Variants in BAZ2B observed in about 807,000 individuals in gnomAD.
BAZ2B encodes the protein bromodomain adjacent to zinc finger domain 2B.
BAZ2B carries 91 observed loss-of-function variants against 246.0 expected under a neutral mutation model. The observed-to-expected ratio is 0.37, with a 90% CI of 0.31 to 0.44. BAZ2B has a LOEUF of 0.44. Among genes scored for constraint, BAZ2B ranks in the 20% least tolerant of loss-of-function variants. BAZ2B has a pLI of 1.00. For synonymous variants in BAZ2B, 855 were observed against 860.0 expected (o/e 0.99, Z 0.10); for missense variants, 2,332 against 2,533.7 (o/e 0.92, Z 1.71).
At chr2:159,456,027 T>C (rs1278519748) in intron 3 of BAZ2B, among the ~76,000 whole-genome samples, 1 of 151,922 alleles carries the variant, frequency 6.6e-6, no homozygotes, top group Non-Finnish European at 1.5e-5. Flanking sequence ...TTTGGAGAAT[T>C]TGGGGTCATC....
At chr2:159,684,644 G>A in the BAZ2B span, among the ~76,000 whole-genome samples, 1 of 151,990 alleles carries the variant, frequency 6.6e-6, no homozygotes, top group Admixed American at 6.6e-5. Flanking sequence ...TGGGAAACAG[G>A]GATCAGACCA....
intron 2 of BAZ2B, among the ~76,000 whole-genome samples, chr2:159,545,315 T>C (rs1468201698): frequency 6.6e-6 from 1 of 152,184 alleles, no homozygotes; most frequent in African/African-American, 2.4e-5. Context: ...TACATCTCCT[T>C]GCTTAGTTCT....
In BAZ2B at chr2:159,325,841, C is replaced by T. The variant is rs745369584; in HGVS notation, c.6021G>A (p.Lys2007=). ...KKTNESKKGK[K]VTLTGDTEDE... ...CTTCAGTATCTCCTGTTAAAGTTAC[C>T]TTCTTGCCTTTCTTTGACTCATTAG... The change falls in exon 35 of 37, where the codon AAG becomes AAA. Residue 2007 remains lysine, a synonymous_variant. Coordinates refer to ENST00000392783, the MANE Select transcript of BAZ2B (RefSeq NM_013450.4). The T allele has an allele frequency of 3.2e-5, 51 of 1,607,724 alleles. No individual in the cohort carries two copies. Among genetic ancestry groups the T allele is most frequent in the Non-Finnish European group, 4.2e-5 (49 of 1,178,402 alleles).
At chr2:159,382,203 T>C in intron 25 of BAZ2B, among the ~76,000 whole-genome samples, 1 of 152,186 alleles carries the variant, frequency 6.6e-6, no homozygotes, top group East Asian at 1.9e-4. Context: ...GACAACACTT[T>C]TAAAGGCATG....
intron 13 of BAZ2B, among the ~76,000 whole-genome samples, chr2:159,420,253 GA>G (rs1409025347): frequency 6.6e-6 from 1 of 152,200 alleles, no homozygotes; most frequent in Admixed American, 6.5e-5. Context: ...TCTACTTACA[GA>G]AAAAACTGCC....
At position 159,338,529 on chromosome 2, in the gene BAZ2B, T is replaced by C. The variant is rs79530252; in HGVS notation, c.5455-757A>G. Among the ~76,000 whole-genome samples the C allele has an allele frequency of 8.0e-3, 1,219 of 152,328 alleles. 22 individuals carry two copies. The highest frequency in any genetic ancestry group is 0.028 in the African/African-American group (1,165 of 41,566). ...AGGCAAATAATGGGCACTCAATACA[T>C]GTATGTTGACTGAACAATCAATGAT... On this transcript the variant is annotated intron_variant, in intron 31 of 36. Coordinates refer to ENST00000392783, the MANE Select transcript of BAZ2B (RefSeq NM_013450.4).
chr2:159,650,518 T>C, the BAZ2B span, among the ~76,000 whole-genome samples: 2 of 152,138 alleles, frequency 1.3e-5, no homozygotes, highest in African/African-American at 2.4e-5. Flanking sequence ...AAAGGCACTA[T>C]TCCTATTCCT....
At chr2:159,457,704 C>T (rs908662488) in intron 3 of BAZ2B, among the ~76,000 whole-genome samples, 2 of 152,192 alleles carry the variant, frequency 1.3e-5, no homozygotes, top group Non-Finnish European at 2.9e-5. Flanking sequence ...ACAATTTTCA[C>T]ATTTCCATTC....
chr2:159,326,450 T>C (rs145251190), intron 34 of BAZ2B, among the ~76,000 whole-genome samples: 11 of 152,204 alleles, frequency 7.2e-5, no homozygotes, highest in African/African-American at 2.6e-4. Flanking sequence ...AGATAACAGG[T>C]ATTTGCAATA....
rs761082513 is a variant in BAZ2B, at chr2:159,446,925, T to C, written c.553A>G (p.Asn185Asp). 1.3e-5 allele frequency: 21 copies of C among 1,602,228 alleles called. No individual in the cohort carries two copies. The highest frequency in any genetic ancestry group is 1.7e-5 in the Non-Finnish European group (20 of 1,175,894). ...GSNTSSVIGI[N>D]TSVLSTTASS... Reference sequence around the variant, plus strand: ...GCAGTAGTGGATAGTACAGATGTGTTGATACCAATTACAGATGATGTATTA... The same window carrying C: ...GCAGTAGTGGATAGTACAGATGTGTCGATACCAATTACAGATGATGTATTA... Residue 185 changes from asparagine to aspartate, a missense_variant, in exon 6 of 37, where the codon AAC becomes GAC. By Grantham distance (23) the Asn-to-Asp change is conservative. Around this residue, in one of 9 missense-constraint regions of BAZ2B, gnomAD observed 242 missense variants for 237.4 expected, o/e 1.02. Coordinates refer to ENST00000392783, the MANE Select transcript of BAZ2B (RefSeq NM_013450.4).
chr2:159,475,223 C>T (rs2078366704), intron 3 of BAZ2B, among the ~76,000 whole-genome samples: 1 of 152,116 alleles, frequency 6.6e-6, no homozygotes, highest in South Asian at 2.1e-4. Flanking sequence ...TTCACATAGT[C>T]CTATATTTCT....
At chr2:159,462,215 A>G in intron 3 of BAZ2B, 1 of 485,706 alleles carries the variant, frequency 2.1e-6, no homozygotes, top group East Asian at 3.7e-5. Flanking sequence ...TACAAAGCAG[A>G]GAACACAAAA....
At chr2:159,452,155 G>A (rs2075178877) in intron 4 of BAZ2B, among the ~76,000 whole-genome samples, 1 of 152,054 alleles carries the variant, frequency 6.6e-6, no homozygotes, top group South Asian at 2.1e-4. Context: ...CTGCTTCCCA[G>A]ACAACTGAAT....
chr2:159,349,173 C>A lies in BAZ2B; in HGVS notation c.4971G>T (p.Gly1657=). 4 of 1,614,050 alleles carry A rather than the reference C, an allele frequency of 2.5e-6. No individual in the cohort carries two copies. Among genetic ancestry groups the A allele is most frequent in the Non-Finnish European group, 2.5e-6 (3 of 1,179,978 alleles). ...FTSSVPSLGS[G]LGLSEGNGNS... ...TACCATTTCCTTCTGATAACCCTAACCCCGATCCTAGACTAGGTACAGATG... is the reference window on the plus strand; with the variant it reads ...TACCATTTCCTTCTGATAACCCTAAACCCGATCCTAGACTAGGTACAGATG... Residue 1657 remains glycine (G), a synonymous_variant, in exon 29 of 37, where the codon GGG becomes GGT. Coordinates refer to ENST00000392783, the MANE Select transcript of BAZ2B (RefSeq NM_013450.4).
intron 6 of BAZ2B, among the ~76,000 whole-genome samples, chr2:159,440,351 T>A (rs1009982765): frequency 6.6e-6 from 1 of 152,160 alleles, no homozygotes; most frequent in Non-Finnish European, 1.5e-5. Context: ...GATTGGGGAA[T>A]GAAATACAGT....
chr2:159,406,143 G>A (rs574374793), intron 14 of BAZ2B, among the ~76,000 whole-genome samples: 2 of 152,266 alleles, frequency 1.3e-5, no homozygotes, highest in Admixed American at 6.5e-5. Flanking sequence ...ATATTTTCCC[G>A]TCCCTTGATT....
At chr2:159,452,233 G>T (rs929823827) in intron 4 of BAZ2B, among the ~76,000 whole-genome samples, 5 of 152,128 alleles carry the variant, frequency 3.3e-5, no homozygotes, top group South Asian at 4.1e-4. Context: ...CTTTCTACAC[G>T]TAGTTTTAAA....
chr2:159,466,296 G>A (rs1350002207), intron 3 of BAZ2B, among the ~76,000 whole-genome samples: 1 of 152,180 alleles, frequency 6.6e-6, no homozygotes, highest in African/African-American at 2.4e-5. Context: ...GCACAGCACA[G>A]CTCAGAAAAC....
At chr2:159,693,152 A>G in the BAZ2B span, 1 of 150,244 alleles carries the variant, frequency 6.7e-6, no homozygotes, top group South Asian at 2.1e-4. Context: ...TAGTAATGGT[A>G]TCAATACATA....
Sources: allele counts gnomAD v4.1 joint callset (sites outside exome capture counted in the v4.1 genomes callset), GRCh38; gene constraint gnomAD v4.1.1; regional missense constraint gnomAD v4.1.1; transcripts MANE v1.5; gene names NCBI Gene and HGNC (gene_info 2026-07-23, HGNC 2026-07-21).